PFKFB3: variants seen among roughly 807,000 people sequenced by gnomAD.
PFKFB3 encodes the protein 6-phosphofructo-2-kinase/fructose-2,6-biphosphatase 3.
Under a neutral mutation model 68.0 loss-of-function variants are expected in PFKFB3, and 33 were observed. The observed-to-expected ratio is 0.49, with a 90% CI of 0.37 to 0.65. The LOEUF (loss-of-function observed/expected upper bound fraction) is 0.65, where lower values mean the gene tolerates loss of function less well. PFKFB3 is among the 30% of genes least tolerant of loss of function. PFKFB3 has a pLI of 0.00. For synonymous variants in PFKFB3, 315 were observed against 288.2 expected, an observed-to-expected ratio of 1.09 and a Z score of -0.94; for missense variants, 586 against 712.2, an observed-to-expected ratio of 0.82 and a Z score of 2.02.
At chr10:6,289,279 C>T in the PFKFB3 span, among the ~76,000 whole-genome samples, 1 of 150,780 alleles carries the variant, frequency 6.6e-6, no homozygotes, top group African/African-American at 2.4e-5. Flanking sequence ...AGTCCTTGCC[C>T]ATGCCTATGT....
chr10:6,250,359 A>C (rs916198316), intron 14 of PFKFB3, among the ~76,000 whole-genome samples: 4 of 152,058 alleles, frequency 2.6e-5, no homozygotes, highest in Non-Finnish European at 4.4e-5. Flanking sequence ...AGATCAGGCA[A>C]TCGAGACCAT....
intron 1 of PFKFB3, among the ~76,000 whole-genome samples, chr10:6,147,420 C>T (rs1841428716): frequency 6.6e-6 from 1 of 152,230 alleles, no homozygotes. Context: ...CCTCCCCAGG[C>T]TGTGCTTCTG....
chr10:6,278,880 C>G, the PFKFB3 span, among the ~76,000 whole-genome samples: 15 of 152,134 alleles, frequency 9.9e-5, no homozygotes, highest in African/African-American at 3.6e-4. Context: ...TAGACAGACT[C>G]GAATGCTAGG....
intron 1 of PFKFB3, among the ~76,000 whole-genome samples, chr10:6,163,369 G>A (rs1842020198): frequency 6.6e-6 from 1 of 152,128 alleles, no homozygotes; most frequent in African/African-American, 2.4e-5. Flanking sequence ...ATAACAAAAA[G>A]GAACTTTTAA....
chr10:6,197,623 C>A (rs551725317), intron 1 of PFKFB3: 1 of 151,470 alleles, frequency 6.6e-6, no homozygotes, highest in Non-Finnish European at 1.5e-5. Context: ...TCCTCCACAT[C>A]TTTTATTTTT....
Position 6,217,103 on chromosome 10 carries a change from G to C in PFKFB3, c.442-32G>C, listed in dbSNP as rs770334282. On this transcript the variant is annotated intron_variant, in intron 5 of 14. Coordinates refer to ENST00000379775, the MANE Select transcript of PFKFB3 (RefSeq NM_004566.4). ...GCAAGGTTGATCCTTCGTGGTGTTT[G>C]TTTTCTAACATCCCCACCTCACTTC... 10 of 1,610,738 alleles carry C rather than the reference G, an allele frequency of 6.2e-6. No homozygotes were observed. In the African/African-American group the frequency reaches 1.2e-4, roughly 19 times the overall value.
At chr10:6,267,323 G>A in the PFKFB3 span, among the ~76,000 whole-genome samples, 1,128 of 152,370 alleles carry the variant, frequency 7.4e-3, 3 homozygotes, top group Non-Finnish European at 0.011. Flanking sequence ...TACCCTGGAC[G>A]TACGTACTAA....
At chr10:6,325,551 ATACAC>A in the PFKFB3 span, among the ~76,000 whole-genome samples, 5 of 152,358 alleles carry the variant, frequency 3.3e-5, no homozygotes, top group Admixed American at 3.3e-4. Flanking sequence ...ATAACCAAGA[ATACAC>A]TACACCATTT....
intron 1 of PFKFB3, among the ~76,000 whole-genome samples, chr10:6,151,781 C>G (rs1841595916): frequency 6.6e-6 from 1 of 152,142 alleles, no homozygotes; most frequent in Non-Finnish European, 1.5e-5. Flanking sequence ...AAGGTCTTGC[C>G]TAGGCATGGG....
intron 1 of PFKFB3, among the ~76,000 whole-genome samples, chr10:6,176,992 G>A (rs1842492083): frequency 6.6e-6 from 1 of 152,210 alleles, no homozygotes; most frequent in African/African-American, 2.4e-5. Flanking sequence ...GGGTGGCAGT[G>A]CCTGACTTCC....
At position 6,226,229 on chromosome 10, in the gene PFKFB3, A is replaced by G; in HGVS notation, c.1379A>G (p.Asn460Ser). 6.2e-7 allele frequency: 1 copy of G among 1,613,192 alleles called. No individual in the cohort carries two copies. The highest frequency in any genetic ancestry group is 8.5e-7 in the Non-Finnish European group (1 of 1,179,558). Residue 460 changes from asparagine to serine, a missense_variant, in exon 14 of 15, where the codon AAT becomes AGT. By Grantham distance (46) the Asn-to-Ser change is conservative. Coordinates refer to ENST00000379775, the MANE Select transcript of PFKFB3 (RefSeq NM_004566.4). The stretch of plus-strand genomic sequence containing the variant: ...GGACCTAACCCGCTCATGAGACGCA[A>G]TAGTGTCACCCCGCTAGCCAGCCCC... The part of the protein sequence containing the change: ...KKGPNPLMRR[N>S]SVTPLASPEP...
rs535049792 is a variant in PFKFB3, at chr10:6,212,856, C to G, written c.77-767C>G. On this transcript the variant is annotated intron_variant, in intron 1 of 14. Transcript: ENST00000379775. ...AAAGATTTTTTTTAGAAACTCTGCC[C>G]ATACCTCTGTGTGGAGGTTTGGATA... Among the ~76,000 whole-genome samples the G allele has an allele frequency of 2.6e-5, 4 of 152,230 alleles. No homozygotes were observed. In the South Asian group the frequency reaches 8.3e-4, roughly 32 times the overall value.
intron 1 of PFKFB3, among the ~76,000 whole-genome samples, chr10:6,179,889 C>G (rs867649931): frequency 6.6e-6 from 1 of 152,084 alleles, no homozygotes; most frequent in Non-Finnish European, 1.5e-5. Flanking sequence ...CCGTTGAGCC[C>G]CCAGAGTGAC....
chr10:6,146,515 G>A (rs1841393820), intron 1 of PFKFB3: 1 of 1,532,686 alleles, frequency 6.5e-7, no homozygotes, highest in African/African-American at 1.4e-5. Flanking sequence ...CGGCCACCTT[G>A]ACTCTGTGGG....
chr10:6,263,152 T>C, the PFKFB3 span, among the ~76,000 whole-genome samples: 1 of 152,200 alleles, frequency 6.6e-6, no homozygotes, highest in African/African-American at 2.4e-5. Context: ...GTCCTTAGCA[T>C]TGTTTCTATA....
chr10:6,206,957 G>T (rs1843804470), intron 1 of PFKFB3, among the ~76,000 whole-genome samples: 2 of 149,646 alleles, frequency 1.3e-5, no homozygotes, highest in South Asian at 4.2e-4. Context: ...TTCCAGACTG[G>T]GCAGCCAGGC....
At chr10:6,309,778 A>G in the PFKFB3 span, among the ~76,000 whole-genome samples, 18 of 152,182 alleles carry the variant, frequency 1.2e-4, no homozygotes, top group African/African-American at 3.6e-4. Flanking sequence ...CAGTGTAGAA[A>G]GAGCCACGTT....
At chr10:6,191,414 G>A (rs1169781240) in intron 1 of PFKFB3, among the ~76,000 whole-genome samples, 6 of 152,224 alleles carry the variant, frequency 3.9e-5, no homozygotes, top group Non-Finnish European at 5.9e-5. Context: ...TTGGTCAAAT[G>A]TATGCCTCAC....
intron 1 of PFKFB3, among the ~76,000 whole-genome samples, chr10:6,167,732 A>G (rs574536533): frequency 6.6e-6 from 1 of 152,342 alleles, no homozygotes; most frequent in South Asian, 2.1e-4. Flanking sequence ...GTGGAGCTCC[A>G]GAAGATGTCT....
Sources: gnomAD v4.1 joint callset for allele counts (sites outside exome capture counted in the v4.1 genomes callset) on GRCh38, gnomAD v4.1.1 for gene constraint, MANE v1.5 for transcripts, NCBI Gene and HGNC (gene_info 2026-07-23, HGNC 2026-07-21) for gene names.